CSMD3: variants seen among roughly 807,000 people sequenced by gnomAD.
CSMD3 encodes CUB and Sushi multiple domains 3.
In CSMD3, 177 loss-of-function variants were observed where a neutral mutation model predicts 435.2. The ratio of observed to expected loss-of-function variants is 0.41; its 90% CI spans 0.36 to 0.46. The LOEUF is 0.46. Among genes scored for constraint, CSMD3 ranks in the 20% least tolerant of loss-of-function variants. The pLI is 0.34. For synonymous variants in CSMD3, 1,656 were observed against 1,520.5 expected, an observed-to-expected ratio of 1.09 and a Z score of -2.07; for missense variants, 4,265 against 4,504.6, an observed-to-expected ratio of 0.95 and a Z score of 1.52.
At chr8:113,212,938 T>A (rs1401484774) in intron 3 of CSMD3, among the ~76,000 whole-genome samples, 1 of 150,188 alleles carries the variant, frequency 6.7e-6, no homozygotes. Flanking sequence ...AAGTTAGATG[T>A]ACCTAACCTG....
In CSMD3 at chr8:112,304,060, A is replaced by C. The variant is rs544257711; in HGVS notation, c.8266+661T>G. On this transcript the variant is annotated intron_variant, in intron 52 of 70. Coordinates refer to ENST00000297405, the MANE Select transcript of CSMD3 (RefSeq NM_198123.2). ...AGCTTATGTATATTAGATACTGGCCATTTATATTATAAAAATGTATGGAAA... is the reference window on the plus strand; with the variant it reads ...AGCTTATGTATATTAGATACTGGCCCTTTATATTATAAAAATGTATGGAAA... Among the ~76,000 whole-genome samples, 3 of 152,290 alleles carry C rather than the reference A, an allele frequency of 2.0e-5. No homozygotes were observed. In the East Asian group the frequency reaches 5.8e-4, roughly 29 times the overall value.
intron 1 of CSMD3, among the ~76,000 whole-genome samples, chr8:113,383,881 C>T (rs892624502): frequency 9.2e-5 from 14 of 151,938 alleles, no homozygotes; most frequent in African/African-American, 2.9e-4. Flanking sequence ...GCTGGGTGAC[C>T]ACACCTTCTC....
At chr8:113,123,902 A>G (rs907977655) in intron 4 of CSMD3, among the ~76,000 whole-genome samples, 1 of 151,924 alleles carries the variant, frequency 6.6e-6, no homozygotes, top group African/African-American at 2.4e-5. Context: ...TGTTAAGGAC[A>G]TCTTACTCTC....
chr8:112,986,377 G>A (rs2085254718), intron 6 of CSMD3, among the ~76,000 whole-genome samples: 1 of 151,966 alleles, frequency 6.6e-6, no homozygotes, highest in African/African-American at 2.4e-5. Flanking sequence ...TTCAATGTAG[G>A]TATTATTTGA....
chr8:112,829,217 T>C (rs1478137073), intron 12 of CSMD3, among the ~76,000 whole-genome samples: 2 of 152,256 alleles, frequency 1.3e-5, no homozygotes, highest in East Asian at 3.9e-4. Context: ...AAAATATAGA[T>C]TGATAAATTC....
chr8:112,523,646 A>G lies in CSMD3; in HGVS notation c.4565-6421T>C, dbSNP rs139705600. On this transcript the variant is annotated intron_variant, in intron 27 of 70. Transcript: ENST00000297405. ...AACCTGTGAGAAAAATCTCATCCAG[A>G]GTCAAATCAATTAGAAAATATTTGA... is the stretch of plus-strand genomic sequence containing the variant. 4.6e-5 allele frequency among the ~76,000 whole-genome samples: 7 copies of G among 152,060 alleles called. No homozygotes were observed. The South Asian group carries it at 1.4e-3, about 31-fold the overall frequency.
intron 10 of CSMD3, among the ~76,000 whole-genome samples, chr8:112,908,870 T>C (rs1247198853): frequency 1.3e-5 from 2 of 151,668 alleles, no homozygotes; most frequent in Non-Finnish European, 1.5e-5. Context: ...AAAAATAACC[T>C]GTGTCCTCCT....
intron 4 of CSMD3, among the ~76,000 whole-genome samples, chr8:113,159,980 T>G (rs1375705648): frequency 6.6e-6 from 1 of 151,910 alleles, no homozygotes; most frequent in Non-Finnish European, 1.5e-5. Context: ...TCCCATAAGC[T>G]AATCAAAACA....
intron 13 of CSMD3, among the ~76,000 whole-genome samples, chr8:112,701,141 A>G (rs1246329053): frequency 1.3e-5 from 2 of 152,110 alleles, no homozygotes; most frequent in African/African-American, 4.8e-5. Flanking sequence ...TGCTTCAACT[A>G]TGTTTTCTAG....
chr8:113,117,787 C>G (rs1446527817), intron 4 of CSMD3, among the ~76,000 whole-genome samples: 1 of 152,340 alleles, frequency 6.6e-6, no homozygotes, highest in Non-Finnish European at 1.5e-5. Flanking sequence ...CAAAGGAGAT[C>G]ATCCTGGAGC....
intron 10 of CSMD3, among the ~76,000 whole-genome samples, chr8:112,883,139 T>C (rs1445993546): frequency 2.6e-5 from 4 of 151,968 alleles, no homozygotes; most frequent in African/African-American, 4.8e-5. Flanking sequence ...TTCACACATA[T>C]CTGAACCCCA....
chr8:112,499,602 G>A (rs1195991322), intron 30 of CSMD3, among the ~76,000 whole-genome samples: 1 of 151,960 alleles, frequency 6.6e-6, no homozygotes, highest in East Asian at 1.9e-4. Flanking sequence ...GATCATGCAA[G>A]TAAATTAGAA....
At chr8:113,233,185 G>A (rs902303938) in intron 3 of CSMD3, among the ~76,000 whole-genome samples, 49 of 151,468 alleles carry the variant, frequency 3.2e-4, no homozygotes, top group Non-Finnish European at 5.3e-4. Context: ...ATTTCCAATC[G>A]ATAACTCATA....
At chr8:113,056,778 A>G (rs2088360145) in intron 5 of CSMD3, among the ~76,000 whole-genome samples, 1 of 152,038 alleles carries the variant, frequency 6.6e-6, no homozygotes, top group Non-Finnish European at 1.5e-5. Flanking sequence ...TCTATTGAGC[A>G]CTCTACAAAT....
intron 41 of CSMD3, among the ~76,000 whole-genome samples, chr8:112,345,676 AC>A (rs1361868503): frequency 6.6e-6 from 1 of 152,156 alleles, no homozygotes; most frequent in Non-Finnish European, 1.5e-5. Flanking sequence ...ATAGTTATTA[AC>A]AACATATTGC....
rs183555559 is a variant in CSMD3, at chr8:113,071,451, T to C, written c.917+27305A>G. ...CTTCTAGTAGTTTTATGGTTTCAGGTCTTAGAGGTAAGTCTTTAATACATT... is the reference window on the plus strand; with the variant it reads ...CTTCTAGTAGTTTTATGGTTTCAGGCCTTAGAGGTAAGTCTTTAATACATT... On this transcript the variant is annotated intron_variant, in intron 5 of 70. Transcript: ENST00000297405. Among the ~76,000 whole-genome samples the C allele has an allele frequency of 3.0e-3, 456 of 152,070 alleles. 1 individual carries two copies. The highest frequency in any genetic ancestry group is 0.01 in the Middle Eastern group (3 of 294).
intron 3 of CSMD3, among the ~76,000 whole-genome samples, chr8:113,262,564 C>T (rs1014804138): frequency 1.3e-5 from 2 of 151,894 alleles, no homozygotes; most frequent in African/African-American, 4.8e-5. Flanking sequence ...CTACATTATG[C>T]TGTATAAAAC....
chr8:112,555,752 T>C (rs761098306), intron 25 of CSMD3, among the ~76,000 whole-genome samples: 1 of 151,992 alleles, frequency 6.6e-6, no homozygotes, highest in Non-Finnish European at 1.5e-5. Context: ...TTCTAGCAAG[T>C]TTTATGGCAA....
At chr8:112,919,371 A>G (rs2082667973) in intron 10 of CSMD3, among the ~76,000 whole-genome samples, 1 of 151,850 alleles carries the variant, frequency 6.6e-6, no homozygotes, top group African/African-American at 2.4e-5. Context: ...ACAATGTAAT[A>G]TAACACCTTA....
Sources: gnomAD v4.1 joint callset for allele counts (sites outside exome capture counted in the v4.1 genomes callset) on GRCh38, gnomAD v4.1.1 for gene constraint, MANE v1.5 for transcripts, NCBI Gene and HGNC (gene_info 2026-07-23, HGNC 2026-07-21) for gene names.